PLPPR4: variants seen among roughly 807,000 people sequenced by gnomAD.
PLPPR4 encodes the protein phospholipid phosphatase-related protein type 4.
A neutral mutation model predicts 56.6 loss-of-function variants in PLPPR4; 24 were observed. That is an observed-to-expected ratio of 0.42 (90% confidence interval 0.31 to 0.60). The LOEUF is 0.60. PLPPR4 is among the 20% of genes least tolerant of loss of function. PLPPR4 has a pLI of 0.13. For missense variants in PLPPR4, 654 were observed against 885.8 expected (o/e 0.74, Z 3.32); for synonymous variants, 326 against 328.1 (o/e 0.99, Z 0.07).
intron 1 of PLPPR4, among the ~76,000 whole-genome samples, 193 bp from the exon 2 acceptor site, chr1:99,287,772 A>G (rs1462584993): frequency 6.6e-6 from 1 of 152,114 alleles, no homozygotes; most frequent in Non-Finnish European, 1.5e-5. Flanking sequence ...GTCAACATAG[A>G]TGCGTAACAG....
At chr1:99,304,733 T>C (rs919151239) in intron 6 of PLPPR4, among the ~76,000 whole-genome samples, 2 of 152,210 alleles carry the variant, frequency 1.3e-5, no homozygotes, top group Non-Finnish European at 2.9e-5. Flanking sequence ...AAATGTTAAA[T>C]CAATATTTTT....
At chr1:99,296,549 G>A (rs543869440) in intron 2 of PLPPR4, among the ~76,000 whole-genome samples, 189 bp from the exon 3 acceptor site, 101 of 152,248 alleles carry the variant, frequency 6.6e-4, no homozygotes, top group Non-Finnish European at 1.2e-3. Flanking sequence ...AGAGTGGCCT[G>A]ATTACTTACT....
Position 99,307,174 on chromosome 1 carries a change from A to C in PLPPR4, c.*164A>C. The C allele has an allele frequency of 1.3e-6, 1 of 779,194 alleles. No individual in the cohort carries two copies. Among genetic ancestry groups the C allele is most frequent in the Non-Finnish European group, 2.0e-6 (1 of 493,364 alleles). The allele number at this position is 779,194 out of a possible 1,614,324, so 48.3% of individuals were successfully genotyped here. The stretch of plus-strand genomic sequence containing the variant: ...TGCTATACTCAAACTTGCAGATCTC[A>C]CATCAAGGAGAGGGAAAAGCACAAT... On this transcript the variant is annotated 3_prime_UTR_variant, in exon 7 of 7. Coordinates refer to ENST00000370185, the MANE Select transcript of PLPPR4 (RefSeq NM_014839.5).
chr1:99,285,128 GAT>G (rs1659433149), intron 1 of PLPPR4, among the ~76,000 whole-genome samples: 1 of 152,028 alleles, frequency 6.6e-6, no homozygotes. Context: ...ATTTATTCCA[GAT>G]ATTGTTGACT....
chr1:99,278,967 C>G (rs2100790818), intron 1 of PLPPR4, among the ~76,000 whole-genome samples: 1 of 152,126 alleles, frequency 6.6e-6, no homozygotes, highest in Admixed American at 6.5e-5. Context: ...CATTAGAGTT[C>G]TAGAAATTCA....
chr1:99,303,742 G>C (rs1659943751), intron 6 of PLPPR4, among the ~76,000 whole-genome samples: 1 of 152,170 alleles, frequency 6.6e-6, no homozygotes, highest in Non-Finnish European at 1.5e-5. Flanking sequence ...GCACAGTCAA[G>C]ATTGTCACTT....
At chr1:99,304,353 A>G (rs1257523105) in intron 6 of PLPPR4, among the ~76,000 whole-genome samples, 1 of 152,186 alleles carries the variant, frequency 6.6e-6, no homozygotes. Flanking sequence ...GGGAAGCTAT[A>G]CCATCTAGAT....
chr1:99,294,878 GA>G (rs1389604005), intron 2 of PLPPR4, among the ~76,000 whole-genome samples: 2 of 152,002 alleles, frequency 1.3e-5, no homozygotes, highest in African/African-American at 4.8e-5. Context: ...ATTATTCACA[GA>G]ATTTTTATTG....
At chr1:99,280,920 A>C (rs573786791) in intron 1 of PLPPR4, among the ~76,000 whole-genome samples, 2 of 152,290 alleles carry the variant, frequency 1.3e-5, no homozygotes, top group East Asian at 3.9e-4. Flanking sequence ...ATTCTAAAAA[A>C]TTTGCACTTT....
In PLPPR4 at chr1:99,300,915, C is replaced by T. The variant is rs746938135; in HGVS notation, c.597C>T (p.Ser199=). The change falls in exon 5 of 7, where the codon TCC becomes TCT. Residue 199 remains serine (S), a synonymous_variant. Coordinates refer to ENST00000370185, the MANE Select transcript of PLPPR4 (RefSeq NM_014839.5). The part of the protein sequence containing the change: ...DLTVINSGRK[S]FPSQHATLAA... ...GACTATCTTCTTTTGGCAGAAAGTC[C>T]TTCCCTTCTCAACATGCAACCCTTG... 1.9e-6 allele frequency: 3 copies of T among 1,612,068 alleles called. No individual in the cohort carries two copies. Among genetic ancestry groups the T allele is most frequent in the Non-Finnish European group, 2.5e-6 (3 of 1,178,438 alleles).
At chr1:99,298,129 A>C (rs1659788538) in intron 3 of PLPPR4, among the ~76,000 whole-genome samples, 1 of 152,192 alleles carries the variant, frequency 6.6e-6, no homozygotes, top group African/African-American at 2.4e-5. Context: ...GTAATGTGCA[A>C]GCCAGCACTC....
At chr1:99,285,566 A>C (rs913797225) in intron 1 of PLPPR4, among the ~76,000 whole-genome samples, 1 of 152,164 alleles carries the variant, frequency 6.6e-6, no homozygotes, top group Admixed American at 6.5e-5. Flanking sequence ...TTCTCTGCAA[A>C]GCATCCATCT....
intron 1 of PLPPR4, among the ~76,000 whole-genome samples, chr1:99,267,961 G>A (rs1160546668): frequency 2.0e-5 from 3 of 152,096 alleles, no homozygotes; most frequent in Non-Finnish European, 4.4e-5. Flanking sequence ...TAAGAAAGAG[G>A]CCATTATTAT....
At chr1:99,289,912 A>G (rs1201492117) in intron 2 of PLPPR4, among the ~76,000 whole-genome samples, 1 of 152,152 alleles carries the variant, frequency 6.6e-6, no homozygotes, top group Non-Finnish European at 1.5e-5. Context: ...CACCACTCCT[A>G]TTCAACCTAG....
intron 1 of PLPPR4, among the ~76,000 whole-genome samples, chr1:99,265,294 C>T (rs553206697): frequency 6.6e-6 from 1 of 152,178 alleles, no homozygotes; most frequent in East Asian, 1.9e-4. Context: ...GTATACATAA[C>T]TATATATAAT....
chr1:99,265,149 C>T (rs1438630647), intron 1 of PLPPR4, among the ~76,000 whole-genome samples: 2 of 147,206 alleles, frequency 1.4e-5, no homozygotes, highest in Admixed American at 6.8e-5. Flanking sequence ...CTCCTGCCCC[C>T]CCCCCCCAAA....
intron 4 of PLPPR4, among the ~76,000 whole-genome samples, 178 bp from the exon 5 acceptor site, chr1:99,300,731 T>G (rs1271058689): frequency 6.6e-6 from 1 of 152,066 alleles, no homozygotes; most frequent in Non-Finnish European, 1.5e-5. Flanking sequence ...TTAATGGTGA[T>G]TAGCAGCATT....
chr1:99,262,925 G>T (rs1356504516), upstream of PLPPR4, among the ~76,000 whole-genome samples: 1 of 152,182 alleles, frequency 6.6e-6, no homozygotes, highest in Non-Finnish European at 1.5e-5. Context: ...AAGGCCGTTA[G>T]GTTATTCCAG....
At position 99,299,019 on chromosome 1, in the gene PLPPR4, T is replaced by C; in HGVS notation, c.395-16T>C. 6.3e-7 allele frequency: 1 copy of C among 1,597,360 alleles called. No individual in the cohort carries two copies. Among genetic ancestry groups the C allele is most frequent in the Non-Finnish European group, 8.6e-7 (1 of 1,164,960 alleles). ...AACCACCAACTTGGTAACAATTTCT[T>C]TCATTTTGCCTATAGGTGTTCATGT... On this transcript the variant is annotated splice_polypyrimidine_tract_variant and intron_variant, in intron 3 of 6. Coordinates refer to ENST00000370185, the MANE Select transcript of PLPPR4 (RefSeq NM_014839.5).
Sources: allele counts gnomAD v4.1 joint callset (sites outside exome capture counted in the v4.1 genomes callset), GRCh38; gene constraint gnomAD v4.1.1; transcripts MANE v1.5; gene names NCBI Gene and HGNC (gene_info 2026-07-23, HGNC 2026-07-21).